Variants in ITGAM observed in about 807,000 individuals in gnomAD.
ITGAM encodes the protein integrin subunit alpha M.
A neutral mutation model predicts 137.5 loss-of-function variants in ITGAM; 79 were observed. The observed-to-expected ratio is 0.57, with a 90% confidence interval of 0.48 to 0.69. The LOEUF (loss-of-function observed/expected upper bound fraction) is 0.69, where lower values mean the gene tolerates loss of function less well. Among genes scored for constraint, ITGAM ranks in the 30% least tolerant of loss-of-function variants. The pLI, the probability that ITGAM is intolerant of heterozygous loss-of-function variation, is 0.00. For missense variants in ITGAM, 1,343 were observed against 1,483.5 expected (o/e 0.91, Z 1.56); for synonymous variants, 583 against 592.3 (o/e 0.98, Z 0.23).
At chr16:31,266,862 A>ACTT (rs2079774958) in intron 5 of ITGAM, among the ~76,000 whole-genome samples, 2 of 145,114 alleles carry the variant, frequency 1.4e-5, no homozygotes. Flanking sequence ...GACTGTATGG[A>ACTT]TTTTTTTTTT....
intron 28 of ITGAM, 98 bp downstream of exon 28, chr16:31,330,703 GAGAGAGACAGAGCGAC>G (rs1276692000): frequency 5.4e-5 from 44 of 814,726 alleles, no homozygotes; most frequent in Admixed American, 4.0e-4. Flanking sequence ...GAGAGGGAGA[GAGAGAGACAGAGCGAC>G]AGAGAGACAG....
At chr16:31,263,931 G>T (rs940790123) in intron 2 of ITGAM, among the ~76,000 whole-genome samples, 1 of 151,590 alleles carries the variant, frequency 6.6e-6, no homozygotes, top group Non-Finnish European at 1.5e-5. Context: ...TGCCTCCTGG[G>T]TTCAAGCGAT....
chr16:31,291,764 C>A (rs554509159), intron 12 of ITGAM, among the ~76,000 whole-genome samples: 91 of 151,902 alleles, frequency 6.0e-4, no homozygotes, highest in African/African-American at 2.2e-3. Flanking sequence ...TAGAGAGTAG[C>A]ATGATGGGTT....
At chr16:31,328,421 C>T (rs1011308759) in intron 23 of ITGAM, among the ~76,000 whole-genome samples, 191 bp downstream of exon 23, 1 of 149,996 alleles carries the variant, frequency 6.7e-6, no homozygotes, top group African/African-American at 2.5e-5. Context: ...TGTTTGTGTG[C>T]ATGGACGTGT....
chr16:31,303,249 T>C (rs1219864925), intron 14 of ITGAM, among the ~76,000 whole-genome samples: 1 of 151,914 alleles, frequency 6.6e-6, no homozygotes, highest in Non-Finnish European at 1.5e-5. Context: ...GCCAGGCTGG[T>C]CTTCTGGCCT....
chr16:31,310,368 A>G (rs2080313314), intron 14 of ITGAM, among the ~76,000 whole-genome samples: 1 of 152,198 alleles, frequency 6.6e-6, no homozygotes, highest in South Asian at 2.1e-4. Context: ...ACATAGTCCC[A>G]TATTTCTTGG....
intron 14 of ITGAM, among the ~76,000 whole-genome samples, chr16:31,303,779 C>CT (rs1006969002): frequency 1.3e-5 from 2 of 152,080 alleles, no homozygotes; most frequent in African/African-American, 2.4e-5. Flanking sequence ...TTATTTGTTC[C>CT]TTTTTATGGC....
chr16:31,296,519 T>C (rs1478459919), intron 12 of ITGAM, among the ~76,000 whole-genome samples: 2 of 152,176 alleles, frequency 1.3e-5, no homozygotes, highest in African/African-American at 2.4e-5. Flanking sequence ...TAAAAAACAA[T>C]CAAATTCTGT....
Position 31,328,147 on chromosome 16 carries a change from T to G in ITGAM, c.2709T>G (p.Ser903Arg), listed in dbSNP as rs1416755796. 1.2e-6 allele frequency: 2 copies of G among 1,612,940 alleles called. No individual in the cohort carries two copies. The highest frequency in any genetic ancestry group is 1.7e-6 in the Non-Finnish European group (2 of 1,179,086). Residue 903 changes from serine to arginine, a missense_variant and splice_region_variant, in exon 23 of 30, where the codon AGT (serine) becomes AGG (arginine). By Grantham distance (110) the Ser-to-Arg change is moderately radical. Coordinates refer to ENST00000544665, the MANE Select transcript of ITGAM (RefSeq NM_000632.4). ...GCTGGAGCTCTTTCTTTCCCTCCAG[T>G]GAGAACAACATGCCCAGAACCAACA... ...NKLLLKANVTSENNMPRTNKT... is the reference protein window; with the variant it reads ...NKLLLKANVTRENNMPRTNKT...
intron 21 of ITGAM, among the ~76,000 whole-genome samples, 171 bp downstream of exon 21, chr16:31,325,793 C>T (rs1053467694): frequency 6.6e-6 from 1 of 152,174 alleles, no homozygotes; most frequent in Non-Finnish European, 1.5e-5. Flanking sequence ...AAGCCCGGCA[C>T]AGTGGCTCAT....
At chr16:31,318,420 T>C (rs2144469642) in intron 14 of ITGAM, among the ~76,000 whole-genome samples, 1 of 150,124 alleles carries the variant, frequency 6.7e-6, no homozygotes, top group South Asian at 2.1e-4. Flanking sequence ...CACAGCTCAC[T>C]GCATTCTCCA....
intron 14 of ITGAM, among the ~76,000 whole-genome samples, chr16:31,318,356 T>C (rs1302342984): frequency 6.6e-6 from 1 of 150,468 alleles, no homozygotes; most frequent in Admixed American, 6.6e-5. Context: ...TTTTTTTTTT[T>C]TTTTTGAGAT....
At position 31,302,872 on chromosome 16, in the gene ITGAM, C is replaced by T. The variant is rs183108210; in HGVS notation, c.1707+4918C>T. On this transcript the variant is annotated intron_variant, in intron 14 of 29. Coordinates refer to ENST00000544665, the MANE Select transcript of ITGAM (RefSeq NM_000632.4). ...TTCTTTCTTCTTTCTTTCTCTCTCT[C>T]TCTTTCCCTCCCTCTTTCTTTCTTT... 3.3e-5 allele frequency among the ~76,000 whole-genome samples: 5 copies of T among 151,742 alleles called. 1 individual carries two copies. Among genetic ancestry groups the T allele is most frequent in the Admixed American group, 3.3e-4 (5 of 15,244 alleles).
rs1365819330 is a variant in ITGAM at position 31,276,555 on chromosome 16, C to T, written c.1010-116C>T. ...CCATGTTCACCAGACTGGTCTCTAA[C>T]TCCTGACCTCAAGTGATCTGCCCAT... is the stretch of plus-strand genomic sequence containing the variant. On this transcript the variant is annotated intron_variant, in intron 9 of 29. Transcript: ENST00000544665. The T allele has an allele frequency of 1.8e-5, 13 of 704,740 alleles. No individual in the cohort carries two copies. In the East Asian group the frequency reaches 3.0e-4, roughly 16 times the overall value. The allele number at this position is 704,740 out of a possible 1,614,324, so 43.7% of individuals were successfully genotyped here. A position where few individuals can be genotyped will look rare whatever the true frequency, so the allele number is the denominator to read the frequency against.
In ITGAM at chr16:31,273,860, C is replaced by A. The variant is rs1319689023; in HGVS notation, c.858+342C>A. 3.9e-5 allele frequency among the ~76,000 whole-genome samples: 6 copies of A among 152,176 alleles called. No homozygotes were observed. In the South Asian group the frequency reaches 6.2e-4, roughly 16 times the overall value. On this transcript the variant is annotated intron_variant, in intron 8 of 29. Transcript: ENST00000544665. The stretch of plus-strand genomic sequence containing the variant: ...GTTGCCAGCTATGTCATCTGCTGGA[C>A]CAGATGGCCTTGGGTGGAACCACTG...
intron 14 of ITGAM, among the ~76,000 whole-genome samples, chr16:31,306,792 G>A (rs2080269466): frequency 1.3e-5 from 2 of 152,184 alleles, no homozygotes; most frequent in Non-Finnish European, 2.9e-5. Context: ...TTACAGGCAT[G>A]AGCCACCATG....
chr16:31,266,568 A>C (rs553995959), intron 5 of ITGAM, among the ~76,000 whole-genome samples: 2 of 151,856 alleles, frequency 1.3e-5, no homozygotes, highest in African/African-American at 4.8e-5. Flanking sequence ...CAAAAAAAAA[A>C]AAAAATTAGC....
intron 11 of ITGAM, 87 bp from the exon 12 acceptor site, chr16:31,277,880 G>GC: frequency 7.2e-7 from 1 of 1,385,000 alleles, no homozygotes; most frequent in Non-Finnish European, 9.8e-7. Context: ...GCGTGGGGCT[G>GC]CCCCAGTGCC....
chr16:31,289,742 A>G (rs1395961352), intron 12 of ITGAM, among the ~76,000 whole-genome samples: 4 of 152,148 alleles, frequency 2.6e-5, no homozygotes, highest in Non-Finnish European at 5.9e-5. Context: ...GTACCCTAGA[A>G]CTTAAAGTAT....
Sources: allele counts gnomAD v4.1 joint callset (sites outside exome capture counted in the v4.1 genomes callset), GRCh38; gene constraint gnomAD v4.1.1; transcripts MANE v1.5; gene names NCBI Gene and HGNC (gene_info 2026-07-23, HGNC 2026-07-21).